AGBL2: variants seen among roughly 807,000 people sequenced by gnomAD.
AGBL2 encodes AGBL carboxypeptidase 2.
In AGBL2, 87 loss-of-function variants were observed where a neutral mutation model predicts 103.0. That is an observed-to-expected ratio of 0.84 (90% CI 0.71 to 1.01). AGBL2 has a LOEUF of 1.01. Ranked by LOEUF, AGBL2 falls within the 50% of genes least tolerant of loss-of-function variation. The pLI is 0.00. For missense variants in AGBL2, 904 were observed against 1,023.5 expected (o/e 0.88, Z 1.59); for synonymous variants, 335 against 356.7 (o/e 0.94, Z 0.69).
chr11:47,660,203 G>T lies in AGBL2; in HGVS notation c.2679C>A (p.Tyr893Ter), dbSNP rs150644125. Residue 893 changes from tyrosine to a stop codon, truncating the protein, a stop_gained, in exon 19 of 19, where the codon TAC (tyrosine) becomes TAA (stop). Transcript: ENST00000525123. LOFTEE classifies it high-confidence loss of function. ...GGTATGTGTATATGTGCAAGGATGGGTATGCCGCCATGGCAGCACAGCCTC... is the reference window on the plus strand; with the variant it reads ...GGTATGTGTATATGTGCAAGGATGGTTATGCCGCCATGGCAGCACAGCCTC... Reference protein sequence around the residue: ...TKRGCAAMAAYPSLHIYTYP With the variant: ...TKRGCAAMAA 3 of 1,614,116 alleles carry T rather than the reference G, an allele frequency of 1.9e-6. No individual in the cohort carries two copies. The highest frequency in any genetic ancestry group is 1.7e-4 in the Middle Eastern group (1 of 6,034).
rs1415832506 is a variant in AGBL2 at position 47,690,496 on chromosome 11, T to C, written c.1211A>G (p.Gln404Arg). Residue 404 changes from glutamine (Q) to arginine (R), a missense_variant, in exon 10 of 19, where the codon CAA becomes CGA. By Grantham distance (43) the Gln-to-Arg change is conservative (BLOSUM62 1). Coordinates refer to ENST00000525123, the MANE Select transcript of AGBL2 (RefSeq NM_024783.4). ...GTTTGCCACTGACAGGAGGTAGCAT[T>C]GCAAATCAGTGTATGTATATGGGTA... ...HFYPYTYTDL[Q>R]CYLLSVANNP... is the part of the protein sequence containing the mutation. 6.2e-7 allele frequency: 1 copy of C among 1,614,032 alleles called. No homozygotes were observed. The highest frequency in any genetic ancestry group is 8.5e-7 in the Non-Finnish European group (1 of 1,180,040).
intron 7 of AGBL2, among the ~76,000 whole-genome samples, chr11:47,700,377 G>A (rs914281853): frequency 6.6e-6 from 1 of 151,910 alleles, no homozygotes; most frequent in Non-Finnish European, 1.5e-5. Context: ...TCGGGAGTTC[G>A]AGACCAGCCT....
At chr11:47,710,908 T>TAAA in intron 3 of AGBL2, 1 of 222,720 alleles carries the variant, frequency 4.5e-6, no homozygotes, top group South Asian at 2.3e-5. Flanking sequence ...AGATCCTGTC[T>TAAA]CAAAAAAAAA....
In AGBL2 at chr11:47,714,302, A is replaced by T; in HGVS notation, c.79T>A (p.Tyr27Asn). The change falls in exon 3 of 19, where the codon TAT (tyrosine) becomes AAT (asparagine). Residue 27 changes from tyrosine (Y) to asparagine (N), a missense_variant. Transcript: ENST00000525123. ...YEDFMYRHLQ[Y>N]YGYFKAQRGS... ...GTATTACCTTTAAAGTAGCCATAAT[A>T]TTGGAGGTGACGGTACATAAAGTCT... 6.2e-7 allele frequency: 1 copy of T among 1,612,830 alleles called. No homozygotes were observed. The highest frequency in any genetic ancestry group is 8.5e-7 in the Non-Finnish European group (1 of 1,179,342).
chr11:47,686,558 C>A (rs1172877633), intron 10 of AGBL2, among the ~76,000 whole-genome samples: 1 of 146,314 alleles, frequency 6.8e-6, no homozygotes, highest in Admixed American at 7.2e-5. Context: ...TGGCGTCTAG[C>A]GAGAGGTATT....
At chr11:47,701,572 T>C (rs2097499395) in intron 7 of AGBL2, among the ~76,000 whole-genome samples, 1 of 152,046 alleles carries the variant, frequency 6.6e-6, no homozygotes. Context: ...CTCACACCTG[T>C]AATCTCAGCA....
chr11:47,686,979 A>AAAGGGGG (rs2097426239), intron 10 of AGBL2, among the ~76,000 whole-genome samples: 1 of 80,686 alleles, frequency 1.2e-5, no homozygotes, highest in Non-Finnish European at 2.3e-5. Context: ...AAAAAAAAAA[A>AAAGGGGG]TGGTGGGGGG....
At chr11:47,679,486 T>G (rs930515096) in intron 13 of AGBL2, among the ~76,000 whole-genome samples, 1 of 152,084 alleles carries the variant, frequency 6.6e-6, no homozygotes, top group African/African-American at 2.4e-5. Context: ...TGGTGAATTA[T>G]GAGGTCTTAC....
At chr11:47,695,301 C>G (rs956641111) in intron 8 of AGBL2, among the ~76,000 whole-genome samples, 7 of 150,416 alleles carry the variant, frequency 4.7e-5, no homozygotes, top group African/African-American at 1.7e-4. Flanking sequence ...ATAGTGAAAC[C>G]CTGTCTCTAC....
intron 13 of AGBL2, among the ~76,000 whole-genome samples, chr11:47,677,796 G>C (rs2097381516): frequency 6.6e-6 from 1 of 151,610 alleles, no homozygotes; most frequent in Non-Finnish European, 1.5e-5. Context: ...TATGCTGAAA[G>C]GCATTTTATT....
At chr11:47,710,908 TCAAA>T in intron 3 of AGBL2, 1 of 222,718 alleles carries the variant, frequency 4.5e-6, no homozygotes, top group Non-Finnish European at 8.4e-6. Flanking sequence ...AGATCCTGTC[TCAAA>T]AAAAAAAAAA....
In AGBL2 at chr11:47,667,584, G is replaced by A. The variant is rs2097344737; in HGVS notation, c.2327C>T (p.Thr776Ile). 2.5e-6 allele frequency: 4 copies of A among 1,613,828 alleles called. No individual in the cohort carries two copies. The highest frequency in any genetic ancestry group is 1.1e-5 in the South Asian group (1 of 91,070). The change falls in exon 16 of 19, where the codon ACA (threonine) becomes ATA (isoleucine). Residue 776 changes from threonine (T) to isoleucine (I), a missense_variant. Transcript: ENST00000525123. ...KKNLMQKLKL[T>I]EDTSEKAGFA... ...AGTCTTTCTTACTGAGGTATCTTCT[G>A]TTAACTTTAACTTCTGCATCAAATT...
intron 14 of AGBL2, among the ~76,000 whole-genome samples, chr11:47,675,375 G>GTTTTTTTTTT (rs34044161): frequency 1.8e-5 from 1 of 55,100 alleles, no homozygotes; most frequent in African/African-American, 7.4e-5. Flanking sequence ...CCCCTGCTAA[G>GTTTTTTTTTT]TTTTTTTTTT....
chr11:47,684,886 A>C (rs1175972196), intron 11 of AGBL2, among the ~76,000 whole-genome samples: 1 of 152,106 alleles, frequency 6.6e-6, no homozygotes, highest in Non-Finnish European at 1.5e-5. Flanking sequence ...ACCACAGGAT[A>C]GGTGATAGAT....
intron 18 of AGBL2, among the ~76,000 whole-genome samples, chr11:47,662,361 A>T (rs886343353): frequency 1.3e-5 from 2 of 151,312 alleles, no homozygotes; most frequent in African/African-American, 2.4e-5. Context: ...TTTAGTTGAG[A>T]CAGGGTTTGG....
chr11:47,672,202 C>T (rs572586601), intron 14 of AGBL2, among the ~76,000 whole-genome samples: 16 of 152,308 alleles, frequency 1.1e-4, no homozygotes, highest in African/African-American at 3.8e-4. Flanking sequence ...CCTCCCATCT[C>T]AGTCTCCCAA....
intron 11 of AGBL2, among the ~76,000 whole-genome samples, chr11:47,685,512 C>T (rs533787301): frequency 6.6e-6 from 1 of 152,188 alleles, no homozygotes; most frequent in South Asian, 2.1e-4. Context: ...ACCTCTGCTT[C>T]CCAAGTTTAA....
chr11:47,695,284 G>T (rs2097463460), intron 8 of AGBL2, among the ~76,000 whole-genome samples: 1 of 152,080 alleles, frequency 6.6e-6, no homozygotes, highest in Non-Finnish European at 1.5e-5. Context: ...AGACCAGCCT[G>T]GCTGAAATAG....
intron 12 of AGBL2, among the ~76,000 whole-genome samples, chr11:47,680,296 C>A (rs1379740784): frequency 1.3e-5 from 2 of 151,452 alleles, no homozygotes; most frequent in Admixed American, 1.3e-4. Flanking sequence ...CTAAAAAATA[C>A]AAAGAAAATT....
Sources: gnomAD v4.1 joint callset for allele counts (sites outside exome capture counted in the v4.1 genomes callset) on GRCh38, gnomAD v4.1.1 for gene constraint, MANE v1.5 for transcripts, NCBI Gene and HGNC (gene_info 2026-07-23, HGNC 2026-07-21) for gene names.